Variants in WWOX observed in about 807,000 individuals in gnomAD.
The protein encoded by WWOX is WW domain containing oxidoreductase, also known as WW domain-containing oxidoreductase.
A neutral mutation model predicts 46.2 loss-of-function variants in WWOX; 69 were observed. The ratio of observed to expected loss-of-function variants is 1.49; its 90% CI spans 1.23 to 1.82. The LOEUF (loss-of-function observed/expected upper bound fraction) is 1.82. Among genes scored for constraint, WWOX ranks in the 40% most tolerant of loss-of-function variants. The pLI, the probability that WWOX is intolerant of heterozygous loss-of-function variation, is 0.00. For synonymous variants in WWOX, 359 were observed against 202.6 expected (o/e 1.77, Z -6.56); for missense variants, 919 against 542.6 (o/e 1.69, Z -6.89).
chr16:78,984,002 C>G (rs574100721), intron 8 of WWOX, among the ~76,000 whole-genome samples: 6 of 151,350 alleles, frequency 4.0e-5, no homozygotes, highest in African/African-American at 1.5e-4. Flanking sequence ...CTCAGCCTCC[C>G]GAGTAGCTGG....
rs565584694 is a variant in WWOX, at chr16:78,818,498, C to T, written c.1056+385746C>T. ...GTAATCCCAGCACTTCGGGAGGCCACGGCAAGAGGATCACTTGAAGCCAGG... is the reference window on the plus strand; with the variant it reads ...GTAATCCCAGCACTTCGGGAGGCCATGGCAAGAGGATCACTTGAAGCCAGG... On this transcript the variant is annotated intron_variant, in intron 8 of 8. Coordinates refer to ENST00000566780, the MANE Select transcript of WWOX (RefSeq NM_016373.4). 1.1e-4 allele frequency among the ~76,000 whole-genome samples: 16 copies of T among 152,304 alleles called. No individual in the cohort carries two copies. In the South Asian group the frequency reaches 2.3e-3, roughly 22 times the overall value.
chr16:78,167,571 A>T (rs867425074), intron 5 of WWOX: 1 of 152,196 alleles, frequency 6.6e-6, no homozygotes, highest in Admixed American at 6.5e-5. Context: ...ATTAGATTTG[A>T]TAGGTTGTAG....
intron 8 of WWOX, among the ~76,000 whole-genome samples, chr16:79,035,396 G>A (rs2047846226): frequency 6.6e-6 from 1 of 152,068 alleles, no homozygotes; most frequent in Non-Finnish European, 1.5e-5. Flanking sequence ...CAGTGGCCAA[G>A]GGAGGTGAAC....
intron 8 of WWOX, among the ~76,000 whole-genome samples, chr16:78,625,267 C>T (rs567061546): frequency 3.9e-5 from 6 of 152,148 alleles, no homozygotes; most frequent in African/African-American, 1.4e-4. Context: ...TAGCCTCAGT[C>T]CCTCTGTGGT....
chr16:78,809,916 A>C (rs958266101), intron 8 of WWOX, among the ~76,000 whole-genome samples: 7 of 152,114 alleles, frequency 4.6e-5, no homozygotes, highest in Non-Finnish European at 1.0e-4. Context: ...CATGTTCCAC[A>C]CTCACCTTCT....
At chr16:78,931,132 T>A (rs2045615479) in intron 8 of WWOX, among the ~76,000 whole-genome samples, 1 of 152,228 alleles carries the variant, frequency 6.6e-6, no homozygotes, top group African/African-American at 2.4e-5. Context: ...TAAAAGGTCC[T>A]ATCATTGTCC....
At chr16:78,222,627 CCTGTACTT>C (rs2036925267) in intron 5 of WWOX, among the ~76,000 whole-genome samples, 1 of 152,174 alleles carries the variant, frequency 6.6e-6, no homozygotes. Context: ...ATTTAATCAG[CCTGTACTT>C]CTTCGTATTT....
At chr16:78,197,990 A>C (rs547243423) in intron 5 of WWOX, among the ~76,000 whole-genome samples, 1 of 151,686 alleles carries the variant, frequency 6.6e-6, no homozygotes, top group South Asian at 2.1e-4. Context: ...TTTTACAGCA[A>C]ATTTGTAGTT....
chr16:78,337,253 T>A (rs1003930661), intron 5 of WWOX, among the ~76,000 whole-genome samples: 6 of 152,142 alleles, frequency 3.9e-5, no homozygotes, highest in Admixed American at 1.3e-4. Flanking sequence ...GCAGACAGAA[T>A]CTTTTGAAGG....
At chr16:79,149,079 A>G (rs192024163) in intron 8 of WWOX, among the ~76,000 whole-genome samples, 1 of 152,240 alleles carries the variant, frequency 6.6e-6, no homozygotes, top group Non-Finnish European at 1.5e-5. Flanking sequence ...GTTGAACAAG[A>G]GTAGTGAGAA....
chr16:78,962,330 A>ATTTTTTTTTG (rs1597210866), intron 8 of WWOX, among the ~76,000 whole-genome samples: 1 of 37,330 alleles, frequency 2.7e-5, no homozygotes, highest in African/African-American at 1.2e-4. Flanking sequence ...TTTTTTTAAA[A>ATTTTTTTTTG]AAAAAAAAAA....
intron 8 of WWOX, among the ~76,000 whole-genome samples, chr16:79,173,948 T>C (rs1285493220): frequency 6.6e-6 from 1 of 152,210 alleles, no homozygotes; most frequent in Non-Finnish European, 1.5e-5. Flanking sequence ...GCACAGCCTT[T>C]AGAATTTGAA....
At chr16:78,117,225 G>A (rs1000789608) in intron 4 of WWOX, among the ~76,000 whole-genome samples, 7 of 152,110 alleles carry the variant, frequency 4.6e-5, no homozygotes, top group African/African-American at 1.2e-4. Flanking sequence ...AGGTGTCTGC[G>A]GTCCAGTTGG....
Position 78,353,022 on chromosome 16 carries a change from TCGTC to T in WWOX, c.517-33837_517-33834del, listed in dbSNP as rs555163203. The stretch of plus-strand genomic sequence containing the variant: ...AAATTAACTGGAATGGGTAATTTAT[TCGTC>T]TTTCTTCTTTTGTAAAATAATGGCA... On this transcript the variant is annotated intron_variant, in intron 5 of 8. Coordinates refer to ENST00000566780, the MANE Select transcript of WWOX (RefSeq NM_016373.4). Among the ~76,000 whole-genome samples, 7 of 152,352 alleles carry T rather than the reference TCGTC, an allele frequency of 4.6e-5. No individual in the cohort carries two copies. In the East Asian group the frequency reaches 7.7e-4, roughly 17 times the overall value.
At chr16:78,206,597 C>T (rs561082041) in intron 5 of WWOX, among the ~76,000 whole-genome samples, 3 of 152,048 alleles carry the variant, frequency 2.0e-5, no homozygotes, top group Non-Finnish European at 4.4e-5. Flanking sequence ...GAATTTCACC[C>T]TATTCTATTT....
chr16:78,858,036 A>G (rs1186419357), intron 8 of WWOX, among the ~76,000 whole-genome samples: 1 of 152,200 alleles, frequency 6.6e-6, no homozygotes, highest in Non-Finnish European at 1.5e-5. Context: ...TGATATTAAT[A>G]AAGAGGTATT....
intron 8 of WWOX, among the ~76,000 whole-genome samples, chr16:78,736,213 A>G (rs1187880973): frequency 1.3e-5 from 2 of 152,192 alleles, no homozygotes; most frequent in African/African-American, 4.8e-5. Context: ...TGGAATAAAA[A>G]TCACACCTCA....
At chr16:78,578,759 C>G (rs2044971546) in intron 8 of WWOX, among the ~76,000 whole-genome samples, 1 of 152,110 alleles carries the variant, frequency 6.6e-6, no homozygotes, top group African/African-American at 2.4e-5. Flanking sequence ...GAAATGAATA[C>G]AACCGCATGG....
chr16:78,631,550 T>TC (rs2046431531), intron 8 of WWOX, among the ~76,000 whole-genome samples: 1 of 151,610 alleles, frequency 6.6e-6, no homozygotes. Context: ...CTTTTTTTTT[T>TC]TTTTTTGAGA....
Sources: allele counts gnomAD v4.1 joint callset (sites outside exome capture counted in the v4.1 genomes callset), GRCh38; gene constraint gnomAD v4.1.1; transcripts MANE v1.5; gene names NCBI Gene and HGNC (gene_info 2026-07-23, HGNC 2026-07-21).